The following ELL2 variants were observed in gnomAD, a reference collection of about 807,000 sequenced individuals.
ELL2 encodes the protein elongation factor for RNA polymerase II 2.
Under a neutral mutation model 72.8 loss-of-function variants are expected in ELL2, and 21 were observed. The ratio of observed to expected loss-of-function variants is 0.29; its 90% CI spans 0.20 to 0.42. The LOEUF (loss-of-function observed/expected upper bound fraction) is 0.42. Among genes scored for constraint, ELL2 ranks in the 10% least tolerant of loss-of-function variants. ELL2 has a pLI of 1.00. For synonymous variants in ELL2, 266 were observed against 283.2 expected (o/e 0.94, Z 0.61); for missense variants, 568 against 772.8 (o/e 0.73, Z 3.14).
chr5:95,943,058 A>G lies in ELL2; in HGVS notation c.148-9T>C. 6.3e-7 allele frequency: 1 copy of G among 1,595,998 alleles called. No homozygotes were observed. The highest frequency in any genetic ancestry group is 8.5e-7 in the Non-Finnish European group (1 of 1,170,328). On this transcript the variant is annotated splice_polypyrimidine_tract_variant and intron_variant, in intron 1 of 11. Coordinates refer to ENST00000237853, the MANE Select transcript of ELL2 (RefSeq NM_012081.6). ...CGAAAAGGAATTAAATTCTATTAAA[A>G]GAAACAAAAGAAACAAACAGGTAAA...
intron 5 of ELL2, 107 bp downstream of exon 5, chr5:95,906,416 A>C: frequency 1.6e-6 from 2 of 1,243,198 alleles, no homozygotes; most frequent in Non-Finnish European, 2.2e-6. Flanking sequence ...AAATAATCCT[A>C]AAATTTCTCT....
intron 4 of ELL2, among the ~76,000 whole-genome samples, chr5:95,910,793 C>T (rs767549660): frequency 6.6e-6 from 1 of 152,160 alleles, no homozygotes; most frequent in Non-Finnish European, 1.5e-5. Context: ...CCTTGTCCTG[C>T]AGGTACCTCG....
chr5:95,922,043 C>A (rs1253131244), intron 2 of ELL2, among the ~76,000 whole-genome samples: 1 of 152,016 alleles, frequency 6.6e-6, no homozygotes. Flanking sequence ...GAATGTAAGA[C>A]CATCCCATCT....
chr5:95,927,643 A>G lies in ELL2; in HGVS notation c.196-8098T>C, dbSNP rs71630726. On this transcript the variant is annotated intron_variant, in intron 2 of 11. Transcript: ENST00000237853. ...TATAGACATACACACACACGTGTGT[A>G]TATAGACATACACACACACGTGTGT... Among the ~76,000 whole-genome samples the G allele has an allele frequency of 2.7e-4, 13 of 47,524 alleles. 2 individuals are homozygous for G. The highest frequency in any genetic ancestry group is 4.4e-4 in the Non-Finnish European group (12 of 27,108). The allele number at this position is 47,524 out of a possible 152,430, so 31.2% of individuals were successfully genotyped here.
intron 4 of ELL2, among the ~76,000 whole-genome samples, chr5:95,912,193 T>C (rs1298092380): frequency 6.6e-6 from 1 of 152,182 alleles, no homozygotes; most frequent in Admixed American, 6.5e-5. Context: ...TGTACTTGAC[T>C]CTTTGAAAAC....
intron 3 of ELL2, among the ~76,000 whole-genome samples, chr5:95,914,626 G>A (rs1211318449): frequency 6.6e-6 from 1 of 152,138 alleles, no homozygotes; most frequent in Non-Finnish European, 1.5e-5. Flanking sequence ...GGCCAAGGCA[G>A]GTGGATTGCT....
intron 9 of ELL2, among the ~76,000 whole-genome samples, chr5:95,895,073 T>C (rs1748816316): frequency 6.6e-6 from 1 of 152,242 alleles, no homozygotes; most frequent in Admixed American, 6.5e-5. Flanking sequence ...GTTACAAAAA[T>C]GTCCCCAGCT....
At chr5:95,937,765 T>A (rs1750829946) in intron 2 of ELL2, among the ~76,000 whole-genome samples, 1 of 152,010 alleles carries the variant, frequency 6.6e-6, no homozygotes, top group African/African-American at 2.4e-5. Flanking sequence ...GAGCCAAGAG[T>A]ATCAAGGTAG....
chr5:95,941,983 A>C (rs1750986906), intron 2 of ELL2, among the ~76,000 whole-genome samples: 1 of 152,248 alleles, frequency 6.6e-6, no homozygotes, highest in Non-Finnish European at 1.5e-5. Flanking sequence ...ACTTAATTGT[A>C]AAGCTGTCAT....
chr5:95,907,296 A>ATTTTT (rs1211663802), intron 4 of ELL2, among the ~76,000 whole-genome samples: 1 of 116,494 alleles, frequency 8.6e-6, no homozygotes, highest in Admixed American at 8.6e-5. Flanking sequence ...ATATATATAT[A>ATTTTT]TTTTTTTTTT....
chr5:95,947,048 A>G (rs1751184895), intron 1 of ELL2, among the ~76,000 whole-genome samples: 2 of 152,324 alleles, frequency 1.3e-5, no homozygotes, highest in South Asian at 2.1e-4. Flanking sequence ...CTATGTAACT[A>G]TGAGTTAAAT....
intron 2 of ELL2, among the ~76,000 whole-genome samples, chr5:95,934,309 A>G (rs537254137): frequency 1.3e-5 from 2 of 152,240 alleles, no homozygotes; most frequent in African/African-American, 4.8e-5. Flanking sequence ...CTGCTTAGGT[A>G]CCAACCCTCT....
chr5:95,925,160 A>C (rs1436810339), intron 2 of ELL2, among the ~76,000 whole-genome samples: 1 of 152,250 alleles, frequency 6.6e-6, no homozygotes, highest in African/African-American at 2.4e-5. Context: ...ATTACAAATC[A>C]TTCAAACTTA....
intron 5 of ELL2, among the ~76,000 whole-genome samples, chr5:95,904,058 G>A (rs553896981): frequency 4.6e-5 from 7 of 152,226 alleles, no homozygotes; most frequent in Non-Finnish European, 7.4e-5. Flanking sequence ...CATTCTTGCC[G>A]TAGAAGTCTT....
intron 2 of ELL2, among the ~76,000 whole-genome samples, chr5:95,922,617 A>T (rs1270024264): frequency 6.6e-6 from 1 of 152,200 alleles, no homozygotes; most frequent in Non-Finnish European, 1.5e-5. Flanking sequence ...TTCTTAAGTA[A>T]CATTTATGCT....
chr5:95,919,830 A>G (rs921108050), intron 2 of ELL2, among the ~76,000 whole-genome samples: 1 of 152,202 alleles, frequency 6.6e-6, no homozygotes, highest in Non-Finnish European at 1.5e-5. Context: ...ATTTCAAAGT[A>G]GCAAATGGTT....
chr5:95,907,133 T>C (rs1243659077), intron 4 of ELL2, among the ~76,000 whole-genome samples: 1 of 151,832 alleles, frequency 6.6e-6, no homozygotes, highest in Non-Finnish European at 1.5e-5. Context: ...AAGCAAACTA[T>C]AATACAGTGA....
intron 5 of ELL2, among the ~76,000 whole-genome samples, chr5:95,903,829 C>G (rs1749243499): frequency 6.6e-6 from 1 of 152,118 alleles, no homozygotes; most frequent in Non-Finnish European, 1.5e-5. Context: ...AGACAGAATT[C>G]CTGATCCTCT....
intron 2 of ELL2, among the ~76,000 whole-genome samples, chr5:95,934,883 G>C (rs896630781): frequency 6.6e-6 from 1 of 152,112 alleles, no homozygotes. Context: ...ATTGAAACAT[G>C]TTCTGGTTTT....
Sources: gnomAD v4.1 joint callset for allele counts (sites outside exome capture counted in the v4.1 genomes callset) on GRCh38, gnomAD v4.1.1 for gene constraint, MANE v1.5 for transcripts, NCBI Gene and HGNC (gene_info 2026-07-23, HGNC 2026-07-21) for gene names.